FHOD3: variants seen among roughly 807,000 people sequenced by gnomAD.
FHOD3 encodes the protein FH1/FH2 domain-containing protein 3.
In FHOD3, 90 loss-of-function variants were observed where a neutral mutation model predicts 173.0. The ratio of observed to expected loss-of-function variants is 0.52; its 90% CI spans 0.44 to 0.62. The LOEUF is 0.62. FHOD3 is among the 20% of genes least tolerant of loss of function. The probability of loss-of-function intolerance (pLI) is 0.00; values close to 1 mark genes in which losing one functional copy is unlikely to be tolerated. For missense variants in FHOD3, 1,945 were observed against 2,034.7 expected (o/e 0.96, Z 0.85); for synonymous variants, 828 against 823.0 (o/e 1.01, Z -0.10).
At chr18:36,762,133 T>C (rs1384258944) in intron 27 of FHOD3, among the ~76,000 whole-genome samples, 2 of 152,210 alleles carry the variant, frequency 1.3e-5, no homozygotes, top group Non-Finnish European at 2.9e-5. Context: ...TTTTGGAATC[T>C]TGCTGTTGTC....
intron 10 of FHOD3, among the ~76,000 whole-genome samples, chr18:36,634,734 C>T (rs930808356): frequency 3.3e-5 from 5 of 152,114 alleles, no homozygotes; most frequent in African/African-American, 7.2e-5. Context: ...CTCCTTAATA[C>T]GGTGGTGGGA....
At chr18:36,648,829 A>G (rs2035857896) in intron 10 of FHOD3, among the ~76,000 whole-genome samples, 1 of 152,184 alleles carries the variant, frequency 6.6e-6, no homozygotes, top group African/African-American at 2.4e-5. Flanking sequence ...TCCACCGTGG[A>G]AGTTAGTCCA....
chr18:36,693,393 T>C lies in FHOD3; in HGVS notation c.2206T>C (p.Ser736Pro). Residue 736 changes from serine (S) to proline (P), a missense_variant, in exon 17 of 29, where the codon TCC becomes CCC. Around this residue, in one of 5 missense-constraint regions of FHOD3, gnomAD observed 1,099 missense variants for 1,051.2 expected, o/e 1.05. Coordinates refer to ENST00000590592, the MANE Select transcript of FHOD3 (RefSeq NM_001281740.3). ...DSQEALTVSASSPGTPHHPQA... is the reference protein window; with the variant it reads ...DSQEALTVSAPSPGTPHHPQA... ...TCAAGAGGCTCTCACGGTGTCTGCC[T>C]CCTCCCCAGGAACCCCTCACCATCC... 1.2e-6 allele frequency: 2 copies of C among 1,613,622 alleles called. No homozygotes were observed. The highest frequency in any genetic ancestry group is 1.7e-6 in the Non-Finnish European group (2 of 1,179,808).
At chr18:36,466,886 T>C (rs191182422) in intron 3 of FHOD3, among the ~76,000 whole-genome samples, 1 of 152,166 alleles carries the variant, frequency 6.6e-6, no homozygotes, top group East Asian at 1.9e-4. Context: ...TTTTTGGCTA[T>C]TGTTTTAGGC....
chr18:36,317,255 G>C (rs1009571770), intron 1 of FHOD3, among the ~76,000 whole-genome samples: 5 of 151,910 alleles, frequency 3.3e-5, no homozygotes, highest in South Asian at 2.1e-4. Context: ...GGGATCACTG[G>C]GTCAAATGGT....
At chr18:36,361,685 C>CAA (rs539956783) in intron 2 of FHOD3, among the ~76,000 whole-genome samples, 17 of 66,876 alleles carry the variant, frequency 2.5e-4, no homozygotes, top group Admixed American at 5.4e-4. Flanking sequence ...GACTCCGTCT[C>CAA]AAAAAAAAAA....
At chr18:36,509,353 G>C (rs1278310064) in intron 4 of FHOD3, among the ~76,000 whole-genome samples, 3 of 151,210 alleles carry the variant, frequency 2.0e-5, no homozygotes, top group Non-Finnish European at 4.4e-5. Context: ...CGTGAACCCG[G>C]GAGGCGGAGC....
In FHOD3 at chr18:36,618,310, G is replaced by GTTTTTTTTT. The variant is rs1465774220; in HGVS notation, c.957+6215_957+6216insTTTTTTTTT. Reference sequence around the variant, plus strand: ...CCATTTGGTAATGATGTTTTTTGGTGGTTTTTTTTTTTTTTTTTTTTTTGA... The same window carrying GTTTTTTTTT: ...CCATTTGGTAATGATGTTTTTTGGTGTTTTTTTTTGTTTTTTTTTTTTTTTTTTTTTTGA... On this transcript the variant is annotated intron_variant, in intron 9 of 28. Transcript: ENST00000590592. Among the ~76,000 whole-genome samples, 16 of 85,238 alleles carry GTTTTTTTTT rather than the reference G, an allele frequency of 1.9e-4. 2 individuals are homozygous for GTTTTTTTTT. Among genetic ancestry groups the GTTTTTTTTT allele is most frequent in the Non-Finnish European group, 2.1e-4 (9 of 42,704 alleles). 55.9% of individuals were successfully genotyped at this position (85,238 alleles called of 152,430 possible). A position where few individuals can be genotyped will look rare whatever the true frequency, so the allele number is the denominator to read the frequency against.
In FHOD3 at chr18:36,769,339, G is replaced by A. The variant is rs746849940; in HGVS notation, c.4699G>A (p.Asp1567Asn). The A allele has an allele frequency of 1.2e-6, 2 of 1,614,080 alleles. No homozygotes were observed. Among genetic ancestry groups the A allele is most frequent in the African/African-American group, 1.3e-5 (1 of 74,932 alleles). Residue 1567 changes from aspartate to asparagine, a missense_variant, in exon 28 of 29, where the codon GAC becomes AAC. This residue lies in a region of FHOD3 where 354 missense variants were observed against 359.9 expected (regional missense o/e 0.98). Transcript: ENST00000590592. ...AGATGATGCAGCTGATGAGATCATG[G>A]ACCGCATCGTCAAGTCAGCCACCCA... ...VTDDAADEIM[D>N]RIVKSATQVP...
intron 21 of FHOD3, 76 bp downstream of exon 21, chr18:36,740,914 T>G: frequency 7.3e-7 from 1 of 1,376,876 alleles, no homozygotes; most frequent in Non-Finnish European, 9.9e-7. Context: ...TGATCAGTAC[T>G]AAGGCAGTGA....
At chr18:36,724,959 G>A (rs1165722914) in intron 19 of FHOD3, among the ~76,000 whole-genome samples, 1 of 152,202 alleles carries the variant, frequency 6.6e-6, no homozygotes, top group Non-Finnish European at 1.5e-5. Context: ...AAAGAAGCAA[G>A]GTCCTCTCTT....
intron 2 of FHOD3, among the ~76,000 whole-genome samples, chr18:36,358,659 AT>A (rs1428253604): frequency 6.6e-6 from 1 of 152,090 alleles, no homozygotes; most frequent in Non-Finnish European, 1.5e-5. Flanking sequence ...CACATTTAAA[AT>A]TTTTTTTAGA....
intron 5 of FHOD3, among the ~76,000 whole-genome samples, chr18:36,531,879 G>A (rs540907623): frequency 5.9e-5 from 9 of 152,314 alleles, no homozygotes; most frequent in East Asian, 1.9e-4. Flanking sequence ...ATTCCTGTGC[G>A]TGTCACAGTC....
At chr18:36,594,306 G>A (rs2029922172) in intron 6 of FHOD3, among the ~76,000 whole-genome samples, 2 of 152,010 alleles carry the variant, frequency 1.3e-5, no homozygotes, top group Admixed American at 1.3e-4. Flanking sequence ...TAAGAATGGG[G>A]TACTTGGTTC....
intron 8 of FHOD3, among the ~76,000 whole-genome samples, chr18:36,609,991 A>G (rs144513283): frequency 5.9e-5 from 9 of 152,282 alleles, no homozygotes; most frequent in South Asian, 4.1e-4. Flanking sequence ...TTGCTAAAGC[A>G]ATGGGGATTA....
At chr18:36,608,346 G>A (rs2032310291) in intron 8 of FHOD3, among the ~76,000 whole-genome samples, 1 of 152,218 alleles carries the variant, frequency 6.6e-6, no homozygotes, top group Non-Finnish European at 1.5e-5. Context: ...GGGAAGATAA[G>A]ATGGTTGAAC....
chr18:36,436,346 A>T (rs9952047), intron 3 of FHOD3, among the ~76,000 whole-genome samples: 106,551 of 152,004 alleles, frequency 0.7, 37,389 homozygotes, highest in African/African-American at 0.73. Context: ...AATCTGGGAT[A>T]TTTATTGGGA....
chr18:36,563,912 G>T (rs2058174794), intron 5 of FHOD3, among the ~76,000 whole-genome samples: 2 of 151,962 alleles, frequency 1.3e-5, no homozygotes, highest in African/African-American at 4.8e-5. Flanking sequence ...CACTCTGCTT[G>T]GGCTTAATTA....
intron 3 of FHOD3, among the ~76,000 whole-genome samples, chr18:36,478,157 TG>T (rs1180106903): frequency 6.6e-6 from 1 of 152,182 alleles, no homozygotes; most frequent in Non-Finnish European, 1.5e-5. Flanking sequence ...TTGTAATGCT[TG>T]GGTGTTAATG....
Sources: gnomAD v4.1 joint callset for allele counts (sites outside exome capture counted in the v4.1 genomes callset) on GRCh38, gnomAD v4.1.1 for gene constraint, gnomAD v4.1.1 regional missense constraint, MANE v1.5 for transcripts, NCBI Gene and HGNC (gene_info 2026-07-23, HGNC 2026-07-21) for gene names.